EOMES: variants seen among roughly 807,000 people sequenced by gnomAD.
EOMES encodes the protein eomesodermin homolog.
In EOMES, 18 loss-of-function variants were observed where a neutral mutation model predicts 61.0. That is an observed-to-expected ratio of 0.30 (90% CI 0.20 to 0.44). The LOEUF (loss-of-function observed/expected upper bound fraction) is 0.44. EOMES is among the 20% of genes least tolerant of loss of function. EOMES has a pLI of 1.00. For missense variants in EOMES, 885 were observed against 939.2 expected, an observed-to-expected ratio of 0.94 and a Z score of 0.75; for synonymous variants, 430 against 394.0, an observed-to-expected ratio of 1.09 and a Z score of -1.08.
Position 27,717,937 on chromosome 3 carries a change from A to G in EOMES, c.1380-129T>C. 1 of 683,720 alleles carries G rather than the reference A, an allele frequency of 1.5e-6. No homozygotes were observed. Among genetic ancestry groups the G allele is most frequent in the Non-Finnish European group, 2.3e-6 (1 of 427,080 alleles). The allele number at this position is 683,720 out of a possible 1,614,324, so 42.4% of individuals were successfully genotyped here. A position where few individuals can be genotyped will look rare whatever the true frequency, so the allele number is the denominator to read the frequency against. On this transcript the variant is annotated intron_variant, in intron 5 of 5. Coordinates refer to ENST00000449599, the MANE Select transcript of EOMES (RefSeq NM_001278182.2). This position sits in a 1 kb window ranked among gnomAD's most constrained non-coding sequence, Gnocchi z 4.5. ...CCGAAAGTGCTGGTCTGTTGGGCTG[A>G]AAGAACAGAGGCAGGAGATGCACTG...
chr3:27,722,428 A>G, upstream of EOMES: 1 of 1,365,858 alleles, frequency 7.3e-7, no homozygotes, highest in South Asian at 1.7e-5. Flanking sequence ...GGGGCTACCC[A>G]CCTGCCGACT....
At chr3:27,719,837 T>G (rs1456586374) in intron 2 of EOMES, among the ~76,000 whole-genome samples, 3 of 151,994 alleles carry the variant, frequency 2.0e-5, no homozygotes, top group Non-Finnish European at 2.9e-5. Context: ...AACTAAACTT[T>G]GGCTGGGCTT....
In EOMES at chr3:27,721,961, C is replaced by T. The variant is rs918752739; in HGVS notation, c.334G>A (p.Glu112Lys). The T allele has an allele frequency of 2.1e-6, 3 of 1,425,230 alleles. No individual in the cohort carries two copies. The highest frequency in any genetic ancestry group is 6.1e-5 in the East Asian group (2 of 32,806). 88.3% of individuals were successfully genotyped at this position (1,425,230 alleles called of 1,614,324 possible). Residue 112 changes from glutamate to lysine, a missense_variant, in exon 1 of 6, where the codon GAG becomes AAG. Glu to Lys is a moderately conservative substitution (Grantham distance 56). Coordinates refer to ENST00000449599, the MANE Select transcript of EOMES (RefSeq NM_001278182.2). The surrounding 1 kb of genome is among the most constrained non-coding windows in gnomAD (Gnocchi z 7.4). ...DGRKGSPCGE[E>K]ELPSAAAAAA... Reference sequence around the variant, plus strand: ...GCTGCAGCGGCGGAGGGCAGCTCCTCCTCCCCGCAGGGGGAGCCCTTGCGG... The same window carrying T: ...GCTGCAGCGGCGGAGGGCAGCTCCTTCTCCCCGCAGGGGGAGCCCTTGCGG...
Position 27,720,431 on chromosome 3 carries a change from A to T in EOMES, c.882-106T>A. 3.4e-6 allele frequency: 3 copies of T among 878,832 alleles called. No homozygotes were observed. In the South Asian group the frequency reaches 4.1e-5, roughly 12 times the overall value. The allele number at this position is 878,832 out of a possible 1,614,324, so 54.4% of individuals were successfully genotyped here. On this transcript the variant is annotated intron_variant, in intron 1 of 5. Coordinates refer to ENST00000449599, the MANE Select transcript of EOMES (RefSeq NM_001278182.2). ...GACACCTGGGATAGGGTCGGAACAC[A>T]TTTAAAAGTTTGCAGTGAACAGAAT...
At chr3:27,720,523 C>T (rs1340961622) in intron 1 of EOMES, among the ~76,000 whole-genome samples, 198 bp from the exon 2 acceptor site, 8 of 103,336 alleles carry the variant, frequency 7.7e-5, no homozygotes, top group Non-Finnish European at 1.1e-4. Flanking sequence ...GGAACCTTTC[C>T]GTCTTTTCAA....
chr3:27,719,878 C>T lies in EOMES; in HGVS notation c.1036+293G>A, dbSNP rs891153161. Among the ~76,000 whole-genome samples, 8 of 151,874 alleles carry T rather than the reference C, an allele frequency of 5.3e-5. No homozygotes were observed. In the East Asian group the frequency reaches 1.6e-3, roughly 29 times the overall value. On this transcript the variant is annotated intron_variant, in intron 2 of 5. Coordinates refer to ENST00000449599, the MANE Select transcript of EOMES (RefSeq NM_001278182.2). Reference sequence around the variant, plus strand: ...AGTGAACATTAGAATCCCAGGAGCCCTTCCCACCTGGAGAGCTTATGACTA... The same window carrying T: ...AGTGAACATTAGAATCCCAGGAGCCTTTCCCACCTGGAGAGCTTATGACTA...
chr3:27,721,770 A>G lies in EOMES; in HGVS notation c.525T>C (p.Pro175=). The G allele has an allele frequency of 6.7e-7, 1 of 1,496,230 alleles. No homozygotes were observed. The highest frequency in any genetic ancestry group is 8.8e-7 in the Non-Finnish European group (1 of 1,135,018). The allele number at this position is 1,496,230 out of a possible 1,614,324, so 92.7% of individuals were successfully genotyped here. The change falls in exon 1 of 6, where the codon CCT becomes CCC. Residue 175 remains proline, a synonymous_variant. Transcript: ENST00000449599. The surrounding 1 kb of genome is among the most constrained non-coding windows in gnomAD (Gnocchi z 7.4). ...YQAAAGAPHG[P]VYPAPNGARY... is the part of the protein sequence containing the mutation. ...GCGCCCCGTTAGGAGCCGGGTACAC[A>G]GGTCCGTGGGGCGCCCCAGCCGCCG...
Position 27,722,146 on chromosome 3 carries a change from T to C in EOMES, c.149A>G (p.Lys50Arg). ...ACTGCCGGAAAACTTCTTGGACGCT[T>C]TGTCTAAGTCCAACTTCTGAGGAGA... ...APSPQKLDLDKASKKFSGSLS... is the reference protein window; with the variant it reads ...APSPQKLDLDRASKKFSGSLS... The change falls in exon 1 of 6, where the codon AAA (lysine) becomes AGA (arginine). Residue 50 changes from lysine to arginine, a missense_variant. Physicochemically the swap from Lys to Arg is conservative, Grantham distance 26. Transcript: ENST00000449599. 1 of 1,567,864 alleles carries C rather than the reference T, an allele frequency of 6.4e-7. No homozygotes were observed. Among genetic ancestry groups the C allele is most frequent in the East Asian group, 2.3e-5 (1 of 42,778 alleles).
Position 27,721,267 on chromosome 3 carries a change from G to A in EOMES, c.881+147C>T, listed in dbSNP as rs1435830819. The A allele has an allele frequency of 1.6e-6, 1 of 641,974 alleles. No homozygotes were observed. The highest frequency in any genetic ancestry group is 2.7e-6 in the Non-Finnish European group (1 of 373,070). 39.8% of individuals were successfully genotyped at this position (641,974 alleles called of 1,614,324 possible). A position where few individuals can be genotyped will look rare whatever the true frequency, so the allele number is the denominator to read the frequency against. On this transcript the variant is annotated intron_variant, in intron 1 of 5. Transcript: ENST00000449599. This position sits in a 1 kb window ranked among gnomAD's most constrained non-coding sequence, Gnocchi z 7.4. ...CAGAGGGACACCGCATTGGAGATGC[G>A]GTGTCTACGGAGATTTATTGCGCGC...
chr3:27,721,361 C>T lies in EOMES; in HGVS notation c.881+53G>A. 1.3e-6 allele frequency: 2 copies of T among 1,482,338 alleles called. No homozygotes were observed. Among genetic ancestry groups the T allele is most frequent in the Non-Finnish European group, 1.8e-6 (2 of 1,083,492 alleles). 91.8% of individuals were successfully genotyped at this position (1,482,338 alleles called of 1,614,324 possible). A position where few individuals can be genotyped will look rare whatever the true frequency, so the allele number is the denominator to read the frequency against. On this transcript the variant is annotated intron_variant, in intron 1 of 5. Transcript: ENST00000449599. The surrounding 1 kb of genome is among the most constrained non-coding windows in gnomAD (Gnocchi z 7.4). Reference sequence around the variant, plus strand: ...CCCTCATCCCGGACCTTCCCCAGGACCACACGTCACCCTTTATCCCCGAAC... The same window carrying T: ...CCCTCATCCCGGACCTTCCCCAGGATCACACGTCACCCTTTATCCCCGAAC...
Position 27,716,430 on chromosome 3 carries a change from A to G in EOMES, c.*640T>C, listed in dbSNP as rs1576801043. 8.5e-6 allele frequency: 1 copy of G among 117,222 alleles called. No individual in the cohort carries two copies. 7.3% of individuals were successfully genotyped at this position (117,222 alleles called of 1,614,324 possible). On this transcript the variant is annotated 3_prime_UTR_variant, in exon 6 of 6. Coordinates refer to ENST00000449599, the MANE Select transcript of EOMES (RefSeq NM_001278182.2). ...CTTAGCTTGCTCTCTCCTGAGTCCC[A>G]CTGGCCACCCCAGCACACAGCAGAG...
At chr3:27,722,568 C>T (rs529483424), upstream of EOMES, 3 of 1,260,604 alleles carry the variant, frequency 2.4e-6, no homozygotes, top group Non-Finnish European at 3.0e-6. Flanking sequence ...CCTCGTACCT[C>T]TTGCTCCTCA....
At chr3:27,720,808 C>T (rs1446771170) in intron 1 of EOMES, among the ~76,000 whole-genome samples, 1 of 152,172 alleles carries the variant, frequency 6.6e-6, no homozygotes, top group Non-Finnish European at 1.5e-5. Flanking sequence ...CCCACCCCTC[C>T]CTTTCCCCAG....
chr3:27,719,055 C>T (rs189636628), intron 3 of EOMES, among the ~76,000 whole-genome samples, 162 bp from the exon 4 acceptor site: 2 of 151,874 alleles, frequency 1.3e-5, no homozygotes, highest in East Asian at 1.9e-4. Flanking sequence ...TTGCCCCCCC[C>T]CTTTTTTTTT....
At position 27,717,384 on chromosome 3, in the gene EOMES, T is replaced by C. The variant is rs748279286; in HGVS notation, c.1804A>G (p.Arg602Gly). Residue 602 changes from arginine (R) to glycine (G), a missense_variant, in exon 6 of 6, where the codon AGG becomes GGG. Physicochemically the swap from Arg to Gly is moderately radical, Grantham distance 125. Around this residue, in one of 3 missense-constraint regions of EOMES, gnomAD observed 259 missense variants for 282.3 expected, o/e 0.92. Coordinates refer to ENST00000449599, the MANE Select transcript of EOMES (RefSeq NM_001278182.2). This position sits in a 1 kb window ranked among gnomAD's most constrained non-coding sequence, Gnocchi z 4.5. ...AGWGGRGSYQ[R>G]KMAAGLPWTS... ...CATGGTAGTCCAGCTGCCATCTTCC[T>C]CTGGTAAGAACCTCGACCTCCCCAC... 1 of 1,614,190 alleles carries C rather than the reference T, an allele frequency of 6.2e-7. No individual in the cohort carries two copies. The highest frequency in any genetic ancestry group is 1.7e-5 in the Admixed American group (1 of 60,022).
In EOMES at chr3:27,716,005, C is replaced by T. The variant is rs2060566955; in HGVS notation, c.*1065G>A. The stretch of plus-strand genomic sequence containing the variant: ...AATGACTAAGACTGTACATAAAAAT[C>T]CAAGATCTCTAAAATGCCTATAGGA... On this transcript the variant is annotated 3_prime_UTR_variant, in exon 6 of 6. Coordinates refer to ENST00000449599, the MANE Select transcript of EOMES (RefSeq NM_001278182.2). The T allele has an allele frequency of 2.0e-5, 3 of 152,124 alleles. No homozygotes were observed. Among genetic ancestry groups the T allele is most frequent in the Non-Finnish European group, 4.4e-5 (3 of 68,026 alleles). 9.4% of individuals were successfully genotyped at this position (152,124 alleles called of 1,614,324 possible).
Position 27,721,923 on chromosome 3 carries a change from G to GGCA in EOMES, c.371_372insTGC (p.Ala130dup). 1 of 1,360,000 alleles carries GGCA rather than the reference G, an allele frequency of 7.4e-7. No homozygotes were observed. The allele number at this position is 1,360,000 out of a possible 1,614,324, so 84.2% of individuals were successfully genotyped here. On this transcript the variant is annotated inframe_insertion, in exon 1 of 6. Transcript: ENST00000449599. This position sits in a 1 kb window ranked among gnomAD's most constrained non-coding sequence, Gnocchi z 7.4. ...GCGCAGTGGCCGCAGCCGCGGCGGC[G>GGCA]GCGGCGGCGGCGGCTGCAGCGGCGG...
chr3:27,722,233 G>C lies in EOMES; in HGVS notation c.62C>G (p.Pro21Arg), dbSNP rs1161322141. 3.7e-6 allele frequency: 6 copies of C among 1,605,194 alleles called. No homozygotes were observed. The highest frequency in any genetic ancestry group is 4.2e-6 in the Non-Finnish European group (5 of 1,176,798). The change falls in exon 1 of 6, where the codon CCG (proline) becomes CGG (arginine). Residue 21 changes from proline (P) to arginine (R), a missense_variant. By Grantham distance (103) the Pro-to-Arg change is moderately radical. Transcript: ENST00000449599. ...SVNLPGAHFY[P>R]LESARGGSGG... ...GCTGCCGCCTCGCGCACTCTCCAGC[G>C]GGTAGAAGTGCGCGCCAGGCAGGTT...
intron 1 of EOMES, among the ~76,000 whole-genome samples, chr3:27,720,985 G>T (rs2060608105): frequency 6.6e-6 from 1 of 152,162 alleles, no homozygotes; most frequent in Non-Finnish European, 1.5e-5. Flanking sequence ...GGAGACCCTG[G>T]CGCCTAAAAC....
Sources: allele counts gnomAD v4.1 joint callset (sites outside exome capture counted in the v4.1 genomes callset), GRCh38; gene constraint gnomAD v4.1.1; regional missense constraint gnomAD v4.1.1; non-coding constraint Gnocchi (gnomAD v3.1); transcripts MANE v1.5; gene names NCBI Gene and HGNC (gene_info 2026-07-23, HGNC 2026-07-21).